Variants in OGA observed in about 807,000 individuals in gnomAD.
OGA encodes protein O-GlcNAcase.
OGA carries 21 observed loss-of-function variants against 102.0 expected under a neutral mutation model. The observed-to-expected ratio is 0.21, with a 90% CI of 0.15 to 0.30. The LOEUF is 0.30. Ranked by LOEUF, OGA falls within the 10% of genes least tolerant of loss-of-function variation. The pLI is 1.00. For synonymous variants in OGA, 408 were observed against 378.2 expected (o/e 1.08, Z -0.91); for missense variants, 765 against 1,107.8 (o/e 0.69, Z 4.39).
At chr10:101,817,381 A>G (rs533456125) in intron 1 of OGA, among the ~76,000 whole-genome samples, 1 of 152,354 alleles carries the variant, frequency 6.6e-6, no homozygotes, top group East Asian at 1.9e-4. Context: ...ACTATAGGCC[A>G]AACGTGCTTC....
chr10:101,808,170 T>G (rs1317706672), intron 4 of OGA, among the ~76,000 whole-genome samples: 2 of 152,220 alleles, frequency 1.3e-5, no homozygotes, highest in Non-Finnish European at 2.9e-5. Flanking sequence ...TTTTGTTTTT[T>G]CCTGGATTTT....
At chr10:101,804,972 C>T (rs934127511) in intron 6 of OGA, among the ~76,000 whole-genome samples, 6 of 152,106 alleles carry the variant, frequency 3.9e-5, no homozygotes, top group Non-Finnish European at 8.8e-5. Context: ...AGAAGAGTTT[C>T]CTAACGCTGC....
chr10:101,799,247 C>A lies in OGA; in HGVS notation c.1404G>T (p.Val468=). The A allele has an allele frequency of 6.2e-7, 1 of 1,614,168 alleles. No individual in the cohort carries two copies. The highest frequency in any genetic ancestry group is 1.1e-5 in the South Asian group (1 of 91,082). The change falls in exon 9 of 16, where the codon GTG becomes GTT. Residue 468 remains valine, a synonymous_variant. Coordinates refer to ENST00000361464, the MANE Select transcript of OGA (RefSeq NM_012215.5). ...KQPDEEPMDM[V]VEKQEETDHK... is the part of the protein sequence containing the mutation. ...GGTCCGTTTCTTCTTGTTTTTCCAC[C>A]ACCATGTCCATGGGTTCTTCATCAG...
chr10:101,793,072 A>C, intron 11 of OGA, 129 bp from the exon 12 acceptor site: 1 of 605,822 alleles, frequency 1.7e-6, no homozygotes, highest in Non-Finnish European at 2.9e-6. Flanking sequence ...AGAGGGGTGT[A>C]CTATGCTTTA....
Position 101,800,239 on chromosome 10 carries a change from C to T in OGA, c.1195+3G>A. The T allele has an allele frequency of 2.5e-6, 4 of 1,612,640 alleles. No homozygotes were observed. Among genetic ancestry groups the T allele is most frequent in the Non-Finnish European group, 2.5e-6 (3 of 1,179,136 alleles). On this transcript the variant is annotated splice_donor_region_variant and intron_variant, in intron 8 of 15. Coordinates refer to ENST00000361464, the MANE Select transcript of OGA (RefSeq NM_012215.5). The stretch of plus-strand genomic sequence containing the variant: ...CCCCTTAACAAAGAATGGCCAAACT[C>T]ACTGCTGTATTGATGAGGCACACCA...
rs767434249 is a variant in OGA, at chr10:101,788,421, GAAAAAAA to G, written c.2455-905_2455-899del. On this transcript the variant is annotated intron_variant, in intron 14 of 15. Transcript: ENST00000361464. ...GCCACCGCACTCCAGCCTGGGCGGG[GAAAAAAA>G]AAAAAAAAAAAAAAAGTTTTCTGGC... is the stretch of plus-strand genomic sequence containing the variant. Among the ~76,000 whole-genome samples, 615 of 102,274 alleles carry G rather than the reference GAAAAAAA, an allele frequency of 6.0e-3. 3 individuals carry two copies. The highest frequency in any genetic ancestry group is 0.017 in the African/African-American group (471 of 27,600). 67.1% of individuals were successfully genotyped at this position (102,274 alleles called of 152,430 possible). A position where few individuals can be genotyped will look rare whatever the true frequency, so the allele number is the denominator to read the frequency against.
At chr10:101,791,560 A>C (rs2065259314) in intron 12 of OGA, 121 bp from the exon 13 acceptor site, 4 of 676,012 alleles carry the variant, frequency 5.9e-6, no homozygotes, top group African/African-American at 1.8e-5. Context: ...CATCTATCAG[A>C]AATATCACCT....
intron 3 of OGA, chr10:101,812,681 A>G (rs1014608111): frequency 2.6e-5 from 7 of 270,632 alleles, no homozygotes; most frequent in Non-Finnish European, 4.3e-5. Flanking sequence ...TAAAATTTGC[A>G]CCCAAGGTAC....
chr10:101,808,688 G>A (rs1349028106), intron 4 of OGA, among the ~76,000 whole-genome samples: 1 of 152,002 alleles, frequency 6.6e-6, no homozygotes, highest in Non-Finnish European at 1.5e-5. Flanking sequence ...AGAAAAATGG[G>A]GCCGGGCGCA....
chr10:101,809,866 G>A (rs1019115710), intron 4 of OGA, among the ~76,000 whole-genome samples: 2 of 151,452 alleles, frequency 1.3e-5, no homozygotes, highest in African/African-American at 4.9e-5. Flanking sequence ...GCATGGTGAA[G>A]GCCCTGTCTC....
chr10:101,815,241 G>C (rs1235456985), intron 1 of OGA, among the ~76,000 whole-genome samples: 1 of 151,840 alleles, frequency 6.6e-6, no homozygotes, highest in African/African-American at 2.4e-5. Context: ...CTTTCATCTG[G>C]ACAATCTAAT....
intron 3 of OGA, 35 bp downstream of exon 3, chr10:101,812,995 G>A: frequency 6.9e-7 from 1 of 1,439,430 alleles, no homozygotes; most frequent in Non-Finnish European, 9.7e-7. Flanking sequence ...TTTCTTCACA[G>A]ATTTTGAATT....
intron 14 of OGA, 156 bp from the exon 15 acceptor site, chr10:101,787,679 C>T: frequency 1.5e-6 from 1 of 646,686 alleles, no homozygotes; most frequent in African/African-American, 1.8e-5. Context: ...CTAGCTGAAG[C>T]ATTTTCACTT....
At chr10:101,787,278 T>A (rs902467229) in intron 15 of OGA, 86 bp downstream of exon 15, 2 of 1,346,694 alleles carry the variant, frequency 1.5e-6, no homozygotes, top group East Asian at 2.3e-5. Flanking sequence ...AAATTTACAA[T>A]TCACTTCTTT....
chr10:101,792,393 G>A lies in OGA; in HGVS notation c.2175+446C>T, dbSNP rs531438371. ...TGACCTCAGGTGATTTGCCCACCTC[G>A]GCCTCCCAAAGTACTGGGATTACAG... On this transcript the variant is annotated intron_variant, in intron 12 of 15. Transcript: ENST00000361464. Among the ~76,000 whole-genome samples, 6 of 152,254 alleles carry A rather than the reference G, an allele frequency of 3.9e-5. No homozygotes were observed. In the East Asian group the frequency reaches 9.6e-4, roughly 24 times the overall value.
chr10:101,803,353 TTTTTA>T (rs2065421130), intron 7 of OGA, among the ~76,000 whole-genome samples: 1 of 151,936 alleles, frequency 6.6e-6, no homozygotes. Flanking sequence ...CCATATTTTA[TTTTTA>T]TTTATTTCAT....
At chr10:101,817,779 C>T (rs750278964) in intron 1 of OGA, 45 bp downstream of exon 1, 29 of 1,531,776 alleles carry the variant, frequency 1.9e-5, no homozygotes, top group Non-Finnish European at 2.3e-5. Flanking sequence ...CTCCCGAGGA[C>T]AGAACGTGTT....
intron 7 of OGA, among the ~76,000 whole-genome samples, chr10:101,802,120 G>A (rs2065400647): frequency 1.3e-5 from 2 of 152,184 alleles, no homozygotes; most frequent in Admixed American, 6.5e-5. Context: ...ACTCCAGCCT[G>A]GGCAACAGAG....
chr10:101,807,302 C>T (rs2065489330), intron 5 of OGA, among the ~76,000 whole-genome samples: 1 of 152,208 alleles, frequency 6.6e-6, no homozygotes, highest in Non-Finnish European at 1.5e-5. Flanking sequence ...AACTGTTAAG[C>T]TTTCTATGCT....
Sources: allele counts gnomAD v4.1 joint callset (sites outside exome capture counted in the v4.1 genomes callset), GRCh38; gene constraint gnomAD v4.1.1; transcripts MANE v1.5; gene names NCBI Gene and HGNC (gene_info 2026-07-23, HGNC 2026-07-21).